Variants in UTRN observed in about 807,000 individuals in gnomAD.
The protein encoded by UTRN is dystrophin-related protein 1.
UTRN carries 283 observed loss-of-function variants against 463.9 expected under a neutral mutation model. That is an observed-to-expected ratio of 0.61 (90% CI 0.55 to 0.67). UTRN has a LOEUF of 0.67. UTRN is among the 30% of genes least tolerant of loss of function. The pLI is 0.00. For synonymous variants in UTRN, 1,442 were observed against 1,431.5 expected, an observed-to-expected ratio of 1.01 and a Z score of -0.17; for missense variants, 3,922 against 4,084.3, an observed-to-expected ratio of 0.96 and a Z score of 1.08.
intron 2 of UTRN, among the ~76,000 whole-genome samples, chr6:144,371,957 A>C (rs374494571): frequency 6.6e-6 from 1 of 152,224 alleles, no homozygotes; most frequent in Non-Finnish European, 1.5e-5. Flanking sequence ...TACCATTTGT[A>C]TTCTGAATTC....
chr6:144,498,689 C>G (rs1199784870), intron 33 of UTRN, among the ~76,000 whole-genome samples: 1 of 151,158 alleles, frequency 6.6e-6, no homozygotes, highest in South Asian at 2.1e-4. Flanking sequence ...GGGTCTTGCT[C>G]TGTTGCCCAG....
At chr6:144,780,791 C>T (rs1775762175) in intron 60 of UTRN, among the ~76,000 whole-genome samples, 1 of 152,224 alleles carries the variant, frequency 6.6e-6, no homozygotes, top group African/African-American at 2.4e-5. Context: ...AGTCACGCAT[C>T]ACCCACACTG....
intron 2 of UTRN, among the ~76,000 whole-genome samples, chr6:144,333,794 A>C (rs538823066): frequency 6.6e-6 from 1 of 152,246 alleles, no homozygotes; most frequent in Non-Finnish European, 1.5e-5. Flanking sequence ...ATGGGGAAAA[A>C]GATACACTTA....
At chr6:144,489,038 T>G (rs954088234) in intron 30 of UTRN, among the ~76,000 whole-genome samples, 4 of 151,380 alleles carry the variant, frequency 2.6e-5, no homozygotes, top group Non-Finnish European at 5.9e-5. Context: ...TTTATTTTAT[T>G]TTATTTTATT....
Position 144,811,739 on chromosome 6 carries a change from TA to T in UTRN, c.9357+8604del, listed in dbSNP as rs5880615. Among the ~76,000 whole-genome samples, 187 of 147,876 alleles carry T rather than the reference TA, an allele frequency of 1.3e-3. 1 individual carries two copies. The East Asian group carries it at 0.019, about 15-fold the overall frequency. ...AAAAACTGAGAGGTTGTTTTATAGT[TA>T]AAAAAAAAAAACCTGTTAAGAATAT... On this transcript the variant is annotated intron_variant, in intron 65 of 74. Transcript: ENST00000367545.
rs1785603283 is a variant in UTRN at position 144,429,519 on chromosome 6, T to G, written c.695-62T>G. 5.6e-6 allele frequency: 8 copies of G among 1,433,654 alleles called. No individual in the cohort carries two copies. In the African/African-American group the frequency reaches 1.0e-4, roughly 18 times the overall value. 88.8% of individuals were successfully genotyped at this position (1,433,654 alleles called of 1,614,324 possible). A position where few individuals can be genotyped will look rare whatever the true frequency, so the allele number is the denominator to read the frequency against. On this transcript the variant is annotated intron_variant, in intron 8 of 74. Transcript: ENST00000367545. The stretch of plus-strand genomic sequence containing the variant: ...AGGAGAGTTATTTTATATCTAATAT[T>G]GAGCAATTCACATATTTTGGACACC...
intron 68 of UTRN, 99 bp from the exon 69 acceptor site, chr6:144,828,691 G>C (rs911744702): frequency 1.8e-6 from 2 of 1,109,178 alleles, no homozygotes; most frequent in Non-Finnish European, 2.7e-6. Flanking sequence ...TCTATGTTTT[G>C]TCAGAATTTT....
At chr6:144,350,616 C>A (rs970859776) in intron 2 of UTRN, among the ~76,000 whole-genome samples, 1 of 152,142 alleles carries the variant, frequency 6.6e-6, no homozygotes, top group Non-Finnish European at 1.5e-5. Flanking sequence ...ACTTGCATTT[C>A]TTTTTTTGTG....
At chr6:144,821,943 G>A (rs889923020) in intron 66 of UTRN, among the ~76,000 whole-genome samples, 10 of 151,988 alleles carry the variant, frequency 6.6e-5, no homozygotes, top group African/African-American at 2.2e-4. Context: ...GAAAGACACC[G>A]TCTCAGATGA....
At chr6:144,479,525 C>T (rs1490111452) in intron 25 of UTRN, among the ~76,000 whole-genome samples, 2 of 152,110 alleles carry the variant, frequency 1.3e-5, no homozygotes, top group African/African-American at 2.4e-5. Context: ...AGATTAGATT[C>T]CTACATCTGG....
intron 56 of UTRN, among the ~76,000 whole-genome samples, chr6:144,753,004 T>C (rs574169736): frequency 3.3e-5 from 5 of 152,176 alleles, no homozygotes; most frequent in African/African-American, 7.2e-5. Flanking sequence ...AGGAGTAATA[T>C]TTTCTTTACT....
intron 54 of UTRN, among the ~76,000 whole-genome samples, chr6:144,737,839 T>TG (rs1789602788): frequency 6.6e-6 from 1 of 152,278 alleles, no homozygotes; most frequent in Non-Finnish European, 1.5e-5. Context: ...GTTTTTTTTT[T>TG]TTATTTTAAT....
intron 34 of UTRN, among the ~76,000 whole-genome samples, chr6:144,500,716 G>A (rs370734908): frequency 6.6e-6 from 1 of 152,088 alleles, no homozygotes; most frequent in South Asian, 2.1e-4. Flanking sequence ...CTTAGGAATA[G>A]AATTTTAAAA....
intron 2 of UTRN, among the ~76,000 whole-genome samples, chr6:144,361,484 C>T (rs1263428011): frequency 6.6e-6 from 1 of 152,150 alleles, no homozygotes; most frequent in African/African-American, 2.4e-5. Flanking sequence ...CAGGGAAGTC[C>T]AGAATCTTCC....
chr6:144,562,460 T>G (rs986281379), intron 50 of UTRN, among the ~76,000 whole-genome samples: 1 of 152,228 alleles, frequency 6.6e-6, no homozygotes, highest in South Asian at 2.1e-4. Context: ...CGGTGTTTGG[T>G]TTTCTGTTCC....
At chr6:144,847,311 G>C (rs1032319079) in intron 74 of UTRN, among the ~76,000 whole-genome samples, 4 of 152,238 alleles carry the variant, frequency 2.6e-5, no homozygotes, top group Admixed American at 1.3e-4. Context: ...AAAAGTGTAT[G>C]AGACAGGTTT....
At chr6:144,538,057 A>G (rs1465182114) in intron 44 of UTRN, among the ~76,000 whole-genome samples, 1 of 152,156 alleles carries the variant, frequency 6.6e-6, no homozygotes, top group Admixed American at 6.6e-5. Flanking sequence ...ATTACTGATT[A>G]TTGTCTATAA....
At chr6:144,654,187 G>A (rs925755994) in intron 51 of UTRN, among the ~76,000 whole-genome samples, 60 of 152,178 alleles carry the variant, frequency 3.9e-4, no homozygotes, top group African/African-American at 1.3e-3. Flanking sequence ...GTTGAAGTAG[G>A]TTTAGAGTGT....
chr6:144,328,695 T>C (rs1248298252), intron 2 of UTRN, among the ~76,000 whole-genome samples: 1 of 152,214 alleles, frequency 6.6e-6, no homozygotes, highest in Non-Finnish European at 1.5e-5. Context: ...TATCTCATGA[T>C]AGTGATCTGT....
Sources: gnomAD v4.1 joint callset for allele counts (sites outside exome capture counted in the v4.1 genomes callset) on GRCh38, gnomAD v4.1.1 for gene constraint, MANE v1.5 for transcripts, NCBI Gene and HGNC (gene_info 2026-07-23, HGNC 2026-07-21) for gene names.